Variants in ELAVL2 observed in about 807,000 individuals in gnomAD.
ELAVL2 encodes the protein ELAV like RNA binding protein 2, also known as ELAV-like protein 2.
A neutral mutation model predicts 34.6 loss-of-function variants in ELAVL2; 4 were observed. The observed-to-expected ratio is 0.12, with a 90% CI of 0.06 to 0.26. ELAVL2 has a LOEUF of 0.26. ELAVL2 is among the 10% of genes least tolerant of loss of function. The pLI, the probability that ELAVL2 is intolerant of heterozygous loss-of-function variation, is 1.00. For synonymous variants in ELAVL2, 193 were observed against 154.8 expected, an observed-to-expected ratio of 1.25 and a Z score of -1.83; for missense variants, 432 against 442.8, an observed-to-expected ratio of 0.98 and a Z score of 0.22.
chr9:23,694,866 C>T (rs1178843456), intron 5 of ELAVL2, among the ~76,000 whole-genome samples: 8 of 151,708 alleles, frequency 5.3e-5, no homozygotes, highest in Middle Eastern at 3.4e-3. Flanking sequence ...TCTCTGTGTG[C>T]GTGGTGCGTG....
At chr9:23,703,371 T>C (rs1385352564) in intron 4 of ELAVL2, among the ~76,000 whole-genome samples, 4 of 152,226 alleles carry the variant, frequency 2.6e-5, no homozygotes, top group Admixed American at 6.5e-5. Context: ...AACACCATTA[T>C]TAGTCTATGT....
At chr9:23,712,744 GT>G (rs2041310599) in intron 3 of ELAVL2, among the ~76,000 whole-genome samples, 2 of 152,116 alleles carry the variant, frequency 1.3e-5, no homozygotes, top group East Asian at 3.9e-4. Flanking sequence ...GAATTTTCAA[GT>G]TTTAGTGCAA....
chr9:23,717,043 C>T (rs908541381), intron 3 of ELAVL2, among the ~76,000 whole-genome samples: 1 of 152,092 alleles, frequency 6.6e-6, no homozygotes, highest in Non-Finnish European at 1.5e-5. Context: ...CCCATCATAA[C>T]GCAGGTGAGG....
chr9:23,699,297 T>C (rs1480170575), intron 5 of ELAVL2, among the ~76,000 whole-genome samples: 2 of 152,190 alleles, frequency 1.3e-5, no homozygotes, highest in African/African-American at 4.8e-5. Flanking sequence ...AGCCTTGCCA[T>C]TTCAATAATC....
At chr9:23,795,810 C>T (rs909499595) in intron 1 of ELAVL2, among the ~76,000 whole-genome samples, 9 of 152,156 alleles carry the variant, frequency 5.9e-5, no homozygotes, top group African/African-American at 1.2e-4. Flanking sequence ...TGTCTCCTCC[C>T]TGAAAGTTGA....
chr9:23,697,694 G>T (rs2035742184), intron 5 of ELAVL2, among the ~76,000 whole-genome samples: 2 of 151,956 alleles, frequency 1.3e-5, no homozygotes, highest in African/African-American at 2.4e-5. Context: ...GTGTTCATAA[G>T]TAGAAAATAA....
chr9:23,824,278 G>A (rs902049192), intron 1 of ELAVL2, among the ~76,000 whole-genome samples: 1 of 152,136 alleles, frequency 6.6e-6, no homozygotes, highest in Non-Finnish European at 1.5e-5. Context: ...CTGTACAGAC[G>A]TGAAATAGGT....
chr9:23,774,235 A>AAAAAAAAAAAAAAG (rs59791462), intron 1 of ELAVL2, among the ~76,000 whole-genome samples: 4 of 132,318 alleles, frequency 3.0e-5, no homozygotes, highest in African/African-American at 1.3e-4. Flanking sequence ...AAAAAAAAAA[A>AAAAAAAAAAAAAAG]AAAGAAAGAA....
At chr9:23,767,051 A>G (rs915127441) in intron 1 of ELAVL2, among the ~76,000 whole-genome samples, 2 of 152,218 alleles carry the variant, frequency 1.3e-5, no homozygotes, top group African/African-American at 4.8e-5. Context: ...ATAATTTACG[A>G]AAAGGCACTT....
At chr9:23,805,883 C>T (rs556459927) in intron 1 of ELAVL2, among the ~76,000 whole-genome samples, 80 of 152,142 alleles carry the variant, frequency 5.3e-4, no homozygotes, top group Admixed American at 1.5e-3. Flanking sequence ...CACTTTGAAG[C>T]GGTATTAACA....
chr9:23,822,961 C>G (rs993877731), intron 1 of ELAVL2, among the ~76,000 whole-genome samples: 23 of 152,196 alleles, frequency 1.5e-4, no homozygotes, highest in Non-Finnish European at 2.6e-4. Flanking sequence ...TCGTCTAACC[C>G]AGGGCGGGTG....
chr9:23,822,004 C>T (rs932399214), intron 1 of ELAVL2, among the ~76,000 whole-genome samples: 1 of 151,664 alleles, frequency 6.6e-6, no homozygotes, highest in Non-Finnish European at 1.5e-5. Flanking sequence ...AGCTCAGCTC[C>T]GTCCCTCCGG....
intron 1 of ELAVL2, among the ~76,000 whole-genome samples, chr9:23,804,138 C>A (rs1292174642): frequency 7.9e-5 from 12 of 151,834 alleles, no homozygotes; most frequent in African/African-American, 2.9e-4. Context: ...AAGATAACCA[C>A]AGAACTGTTT....
Position 23,697,533 on chromosome 9 carries a change from C to T in ELAVL2, c.713+3846G>A, listed in dbSNP as rs971020542. Among the ~76,000 whole-genome samples the T allele has an allele frequency of 5.9e-5, 9 of 152,162 alleles. No individual in the cohort carries two copies. The East Asian group carries it at 1.4e-3, about 23-fold the overall frequency. On this transcript the variant is annotated intron_variant, in intron 5 of 6. Coordinates refer to ENST00000397312, the MANE Select transcript of ELAVL2 (RefSeq NM_004432.5). ...AGAGTTTATAATTTAATGAATAGCA[C>T]ACGCCCATGTACATATGTAATTTAT... is the stretch of plus-strand genomic sequence containing the variant.
chr9:23,821,013 C>T (rs549346176), intron 1 of ELAVL2, among the ~76,000 whole-genome samples: 1 of 152,330 alleles, frequency 6.6e-6, no homozygotes, highest in East Asian at 1.9e-4. Flanking sequence ...ACAACGCGGC[C>T]GGTGTTAAGT....
intron 2 of ELAVL2, among the ~76,000 whole-genome samples, chr9:23,754,265 T>C (rs766841462): frequency 3.3e-5 from 5 of 152,176 alleles, no homozygotes; most frequent in Admixed American, 6.5e-5. Flanking sequence ...TTTCATACTT[T>C]TCTGTATCCT....
chr9:23,694,639 A>G (rs961158578), intron 5 of ELAVL2, among the ~76,000 whole-genome samples: 10 of 152,224 alleles, frequency 6.6e-5, no homozygotes, highest in African/African-American at 2.2e-4. Flanking sequence ...AAGTCACGCT[A>G]AAGTATACAT....
chr9:23,706,725 T>G (rs760558472), intron 3 of ELAVL2, among the ~76,000 whole-genome samples: 3 of 152,208 alleles, frequency 2.0e-5, no homozygotes, highest in Non-Finnish European at 2.9e-5. Context: ...TACCCACCTT[T>G]AATCCAGTTA....
rs1397557456 is a variant in ELAVL2 at position 23,690,585 on chromosome 9, G to A, written c.*1972C>T. The A allele has an allele frequency of 3.9e-5, 6 of 152,382 alleles. No individual in the cohort carries two copies. Among genetic ancestry groups the A allele is most frequent in the South Asian group, 4.1e-4 (2 of 4,820 alleles). The allele number at this position is 152,382 out of a possible 1,614,324, so 9.4% of individuals were successfully genotyped here. On this transcript the variant is annotated 3_prime_UTR_variant, in exon 7 of 7. Transcript: ENST00000397312. ...AACTCGCTTATTCACTTTAGCACGC[G>A]CCTCACAGTATATGTACTGTACTAT...
Sources: allele counts gnomAD v4.1 joint callset (sites outside exome capture counted in the v4.1 genomes callset), GRCh38; gene constraint gnomAD v4.1.1; transcripts MANE v1.5; gene names NCBI Gene and HGNC (gene_info 2026-07-23, HGNC 2026-07-21).